The following IMPG1 variants were observed in gnomAD, a reference collection of about 807,000 sequenced individuals.
IMPG1 encodes interphotoreceptor matrix proteoglycan 1, also known as interphotoreceptor matrix proteoglycan of 150 kDa.
IMPG1 carries 85 observed loss-of-function variants against 92.0 expected under a neutral mutation model. The ratio of observed to expected loss-of-function variants is 0.92; its 90% CI spans 0.78 to 1.11. IMPG1 has a LOEUF of 1.11. Among genes scored for constraint, IMPG1 ranks in the 50% least tolerant of loss-of-function variants. The pLI, the probability that IMPG1 is intolerant of heterozygous loss-of-function variation, is 0.00. For missense variants in IMPG1, 1,022 were observed against 956.0 expected, an observed-to-expected ratio of 1.07 and a Z score of -0.91; for synonymous variants, 367 against 334.1, an observed-to-expected ratio of 1.10 and a Z score of -1.08.
At chr6:76,070,030 A>G (rs1784379923) in intron 1 of IMPG1, among the ~76,000 whole-genome samples, 1 of 152,206 alleles carries the variant, frequency 6.6e-6, no homozygotes, top group Non-Finnish European at 1.5e-5. Context: ...CCTCTTCAGT[A>G]CTGTGCTAAG....
chr6:75,931,224 A>G (rs1332478626), intron 14 of IMPG1, 73 bp from the exon 15 acceptor site: 9 of 1,401,462 alleles, frequency 6.4e-6, no homozygotes, highest in East Asian at 2.5e-5. Context: ...GTCAAAGGCA[A>G]GAGACCAAAT....
chr6:76,025,882 A>G (rs1034108823), intron 4 of IMPG1, among the ~76,000 whole-genome samples: 1 of 152,254 alleles, frequency 6.6e-6, no homozygotes, highest in East Asian at 1.9e-4. Flanking sequence ...ATGGTGGTAG[A>G]GCTATTTGTG....
chr6:75,980,495 A>T (rs1782609101), intron 12 of IMPG1, among the ~76,000 whole-genome samples: 1 of 152,162 alleles, frequency 6.6e-6, no homozygotes, highest in Admixed American at 6.5e-5. Context: ...GCAGACCCAC[A>T]CTCAATCTGG....
chr6:75,993,706 C>T (rs1782852777), intron 12 of IMPG1, among the ~76,000 whole-genome samples: 2 of 152,168 alleles, frequency 1.3e-5, no homozygotes, highest in South Asian at 2.1e-4. Flanking sequence ...AAAACGTTCT[C>T]AATTTTCCAC....
intron 8 of IMPG1, among the ~76,000 whole-genome samples, chr6:76,010,705 G>A (rs1214712630): frequency 6.6e-6 from 1 of 152,148 alleles, no homozygotes; most frequent in Non-Finnish European, 1.5e-5. Flanking sequence ...TACCTGGATA[G>A]CTATGACTTT....
At chr6:76,017,989 C>T (rs112717149) in intron 7 of IMPG1, among the ~76,000 whole-genome samples, 2,800 of 152,168 alleles carry the variant, frequency 0.018, 92 homozygotes, top group African/African-American at 0.064. Flanking sequence ...CTGATCCACC[C>T]GCCTCAGCCT....
chr6:75,974,359 C>CTTTCT, intron 12 of IMPG1, among the ~76,000 whole-genome samples: 1 of 111,982 alleles, frequency 8.9e-6, no homozygotes, highest in East Asian at 2.9e-4. Context: ...TTCTTTCTTT[C>CTTTCT]TTTCTTTCTT....
intron 12 of IMPG1, among the ~76,000 whole-genome samples, chr6:75,952,625 C>T (rs1041735213): frequency 1.3e-5 from 2 of 152,100 alleles, no homozygotes; most frequent in African/African-American, 4.8e-5. Flanking sequence ...ATCTCCATTG[C>T]TATGGGCTGA....
At chr6:76,025,130 A>G in intron 5 of IMPG1, 64 bp downstream of exon 5, 1 of 914,330 alleles carries the variant, frequency 1.1e-6, no homozygotes, top group Non-Finnish European at 1.8e-6. Flanking sequence ...TGTTTTATAA[A>G]TAACATGCTA....
intron 1 of IMPG1, among the ~76,000 whole-genome samples, chr6:76,071,372 A>G (rs1332303042): frequency 6.6e-6 from 1 of 150,658 alleles, no homozygotes; most frequent in Non-Finnish European, 1.5e-5. Flanking sequence ...AAATCTCATT[A>G]TTTATTTCTA....
At chr6:76,030,677 G>A (rs1366422187) in intron 4 of IMPG1, among the ~76,000 whole-genome samples, 4 of 152,104 alleles carry the variant, frequency 2.6e-5, no homozygotes, top group Admixed American at 1.3e-4. Context: ...CCAGAGCCTC[G>A]GACAATGGCC....
chr6:76,001,315 G>T (rs1782984697), intron 12 of IMPG1, among the ~76,000 whole-genome samples: 1 of 152,128 alleles, frequency 6.6e-6, no homozygotes, highest in South Asian at 2.1e-4. Flanking sequence ...GAAAAGTTTT[G>T]TTTTGTTTTG....
At chr6:76,035,849 G>T (rs1279971033) in intron 2 of IMPG1, among the ~76,000 whole-genome samples, 1 of 152,196 alleles carries the variant, frequency 6.6e-6, no homozygotes, top group Non-Finnish European at 1.5e-5. Flanking sequence ...CTGAGTTTGA[G>T]AAAGGGAGTG....
At chr6:75,943,705 G>A (rs573208462) in intron 14 of IMPG1, among the ~76,000 whole-genome samples, 3 of 152,278 alleles carry the variant, frequency 2.0e-5, no homozygotes, top group South Asian at 2.1e-4. Flanking sequence ...GGCTATCCCC[G>A]GCCAAAGGCT....
Position 75,965,753 on chromosome 6 carries a change from G to A in IMPG1, c.1292-14659C>T, listed in dbSNP as rs559134670. Among the ~76,000 whole-genome samples the A allele has an allele frequency of 2.8e-4, 43 of 151,970 alleles. 1 individual carries two copies. The highest frequency in any genetic ancestry group is 5.5e-4 in the African/African-American group (23 of 41,482). Reference sequence around the variant, plus strand: ...CTCCTGAGTAGCCGGGACTACAGGCGCCTGCCATCACGCCCAGCTAATTTT... The same window carrying A: ...CTCCTGAGTAGCCGGGACTACAGGCACCTGCCATCACGCCCAGCTAATTTT... On this transcript the variant is annotated intron_variant, in intron 12 of 16. Coordinates refer to ENST00000369950, the MANE Select transcript of IMPG1 (RefSeq NM_001563.4).
chr6:76,040,548 A>G (rs190171438), intron 2 of IMPG1, among the ~76,000 whole-genome samples: 1 of 152,280 alleles, frequency 6.6e-6, no homozygotes, highest in East Asian at 1.9e-4. Context: ...GTGTCCACCA[A>G]CAAGCATTGG....
chr6:76,053,579 A>G (rs1420706488), intron 1 of IMPG1, among the ~76,000 whole-genome samples: 1 of 152,176 alleles, frequency 6.6e-6, no homozygotes, highest in Non-Finnish European at 1.5e-5. Flanking sequence ...TATCCACTTT[A>G]CTTCTGGTTC....
intron 15 of IMPG1, among the ~76,000 whole-genome samples, chr6:75,924,479 AT>A (rs1781488577): frequency 9.9e-6 from 1 of 100,808 alleles, no homozygotes; most frequent in Non-Finnish European, 1.8e-5. Context: ...ATATAATTAT[AT>A]ATTATAATAT....
chr6:75,958,846 T>C (rs1204113888), intron 12 of IMPG1, among the ~76,000 whole-genome samples: 1 of 152,132 alleles, frequency 6.6e-6, no homozygotes, highest in Non-Finnish European at 1.5e-5. Context: ...GAGGAGTTTG[T>C]TATTATCCAC....
Sources: allele counts gnomAD v4.1 joint callset (sites outside exome capture counted in the v4.1 genomes callset), GRCh38; gene constraint gnomAD v4.1.1; transcripts MANE v1.5; gene names NCBI Gene and HGNC (gene_info 2026-07-23, HGNC 2026-07-21).